The following ALDH6A1 variants were observed in gnomAD, a reference collection of about 807,000 sequenced individuals.
ALDH6A1 encodes the protein aldehyde dehydrogenase 6 family member A1.
A neutral mutation model predicts 62.6 loss-of-function variants in ALDH6A1; 43 were observed. That is an observed-to-expected ratio of 0.69 (90% CI 0.54 to 0.89). The LOEUF (loss-of-function observed/expected upper bound fraction) is 0.89. ALDH6A1 is among the 40% of genes least tolerant of loss of function. The pLI, the probability that ALDH6A1 is intolerant of heterozygous loss-of-function variation, is 0.00. For synonymous variants in ALDH6A1, 194 were observed against 234.2 expected (o/e 0.83, Z 1.57); for missense variants, 551 against 661.3 (o/e 0.83, Z 1.83).
At chr14:74,066,627 T>G (rs1595117795) in intron 9 of ALDH6A1, 78 bp downstream of exon 9, 2 of 1,373,306 alleles carry the variant, frequency 1.5e-6, no homozygotes, top group East Asian at 2.3e-5. Context: ...GTATTTTCAT[T>G]AATAAATTAG....
In ALDH6A1 at chr14:74,058,047, GC is replaced by G; in HGVS notation, c.*2594del. The stretch of plus-strand genomic sequence containing the variant: ...GATTGGATTAAATATCACTACCAGG[GC>G]CAGGTGCGGTGGTTCACGCCTGTAA... On this transcript the variant is annotated 3_prime_UTR_variant, in exon 12 of 12. Coordinates refer to ENST00000553458, the MANE Select transcript of ALDH6A1 (RefSeq NM_005589.4). 1 of 429,812 alleles carries G rather than the reference GC, an allele frequency of 2.3e-6. No homozygotes were observed. The highest frequency in any genetic ancestry group is 3.1e-6 in the Non-Finnish European group (1 of 321,870). 26.6% of individuals were successfully genotyped at this position (429,812 alleles called of 1,614,324 possible).
Position 74,071,873 on chromosome 14 carries a change from C to T in ALDH6A1, c.427+23G>A, listed in dbSNP as rs1179593305. The T allele has an allele frequency of 5.0e-6, 8 of 1,612,182 alleles. No individual in the cohort carries two copies. In the Admixed American group the frequency reaches 1.3e-4, roughly 27 times the overall value. On this transcript the variant is annotated intron_variant, in intron 5 of 11. Coordinates refer to ENST00000553458, the MANE Select transcript of ALDH6A1 (RefSeq NM_005589.4). ...TCTTCCTTTGGTCCTTCCCAAAAGTCCCATAAGGGGCTCCCAGCTTACGAA... is the reference window on the plus strand; with the variant it reads ...TCTTCCTTTGGTCCTTCCCAAAAGTTCCATAAGGGGCTCCCAGCTTACGAA...
intron 1 of ALDH6A1, chr14:74,078,094 T>C (rs2060632880): frequency 4.7e-6 from 2 of 425,582 alleles, no homozygotes; most frequent in African/African-American, 2.1e-5. Flanking sequence ...ACACTTATTG[T>C]TTATTTTCAC....
intron 2 of ALDH6A1, among the ~76,000 whole-genome samples, chr14:74,073,555 G>T (rs2060577403): frequency 6.6e-6 from 1 of 152,120 alleles, no homozygotes; most frequent in South Asian, 2.1e-4. Context: ...TGTTAATAAA[G>T]ATTAGCTATT....
In ALDH6A1 at chr14:74,071,816, G is replaced by A. The variant is rs1295457591; in HGVS notation, c.427+80C>T. On this transcript the variant is annotated intron_variant, in intron 5 of 11. Transcript: ENST00000553458. The stretch of plus-strand genomic sequence containing the variant: ...TGGCAAAATCTATGTAAAGGAAGAA[G>A]CAACCTCCCATTCTGCGATCTTTGC... The A allele has an allele frequency of 7.8e-6, 12 of 1,533,392 alleles. No homozygotes were observed. In the Admixed American group the frequency reaches 1.8e-4, roughly 23 times the overall value. 95.0% of individuals were successfully genotyped at this position (1,533,392 alleles called of 1,614,324 possible). A position where few individuals can be genotyped will look rare whatever the true frequency, so the allele number is the denominator to read the frequency against.
At chr14:74,071,598 G>A (rs1179801756) in intron 5 of ALDH6A1, 101 bp from the exon 6 acceptor site, 2 of 1,600,914 alleles carry the variant, frequency 1.2e-6, no homozygotes, top group Non-Finnish European at 1.7e-6. Context: ...TCAGGCCAAT[G>A]AAGGGGTGCA....
chr14:74,066,386 TG>T (rs1161029497), intron 9 of ALDH6A1, among the ~76,000 whole-genome samples: 3 of 152,214 alleles, frequency 2.0e-5, no homozygotes, highest in Non-Finnish European at 2.9e-5. Flanking sequence ...ACATTTTTTT[TG>T]GAACACAGCC....
chr14:74,079,620 G>C lies in ALDH6A1; in HGVS notation c.49-4603C>G, dbSNP rs1296201910. Among the ~76,000 whole-genome samples the C allele has an allele frequency of 3.3e-5, 5 of 151,856 alleles. No homozygotes were observed. In the East Asian group the frequency reaches 9.7e-4, roughly 30 times the overall value. On this transcript the variant is annotated intron_variant, in intron 1 of 11. Coordinates refer to ENST00000553458, the MANE Select transcript of ALDH6A1 (RefSeq NM_005589.4). The stretch of plus-strand genomic sequence containing the variant: ...GCTAGTTTTTTGTATTTTTAGTAGA[G>C]ATGGGGTTTCACCATGTTAGCCAGG...
chr14:74,069,652 C>CTGAGGCAGGAGAATTGCT (rs1405053255), intron 6 of ALDH6A1, among the ~76,000 whole-genome samples: 3 of 151,752 alleles, frequency 2.0e-5, no homozygotes, highest in Non-Finnish European at 4.4e-5. Context: ...ACTTGGGAGT[C>CTGAGGCAGGAGAATTGCT]TGAGGCAGGA....
intron 2 of ALDH6A1, among the ~76,000 whole-genome samples, chr14:74,073,382 G>C (rs1386286820): frequency 6.6e-6 from 1 of 152,072 alleles, no homozygotes; most frequent in Non-Finnish European, 1.5e-5. Flanking sequence ...TGGGATTACA[G>C]GCGTGAGTCA....
At chr14:74,071,133 T>C in intron 6 of ALDH6A1, 62 bp downstream of exon 6, 1 of 1,464,546 alleles carries the variant, frequency 6.8e-7, no homozygotes, top group Non-Finnish European at 9.6e-7. Flanking sequence ...CATCCAACCA[T>C]CACTCAACAC....
intron 9 of ALDH6A1, among the ~76,000 whole-genome samples, chr14:74,066,311 ATGG>A (rs1430089917): frequency 2.0e-5 from 3 of 152,210 alleles, no homozygotes; most frequent in African/African-American, 7.2e-5. Context: ...GCATTTTTAA[ATGG>A]TTGAAAAAAA....
In ALDH6A1 at chr14:74,064,694, T is replaced by G. The variant is rs747524760; in HGVS notation, c.1503+128A>C. On this transcript the variant is annotated intron_variant, in intron 11 of 11. Coordinates refer to ENST00000553458, the MANE Select transcript of ALDH6A1 (RefSeq NM_005589.4). ...ACTTTTAAATCTTTTTTAGGGAACC[T>G]TCTGAGAAGCACTGATTATGACCTC... 5 of 1,614,130 alleles carry G rather than the reference T, an allele frequency of 3.1e-6. No homozygotes were observed. The South Asian group carries it at 5.5e-5, about 18-fold the overall frequency.
Position 74,057,228 on chromosome 14 carries a change from T to A in ALDH6A1, c.*3414A>T. 6.2e-7 allele frequency: 1 copy of A among 1,614,138 alleles called. No individual in the cohort carries two copies. The highest frequency in any genetic ancestry group is 8.5e-7 in the Non-Finnish European group (1 of 1,179,992). On this transcript the variant is annotated 3_prime_UTR_variant, in exon 12 of 12. Transcript: ENST00000553458. Reference sequence around the variant, plus strand: ...CTTCTGGTGAAGTGGTGCTACCCACTATTCCAAAAGAACCTCAGGAGTCTG... The same window carrying A: ...CTTCTGGTGAAGTGGTGCTACCCACAATTCCAAAAGAACCTCAGGAGTCTG...
chr14:74,073,967 G>A (rs1011053876), intron 2 of ALDH6A1, among the ~76,000 whole-genome samples: 9 of 144,480 alleles, frequency 6.2e-5, no homozygotes, highest in Non-Finnish European at 1.2e-4. Context: ...ATTTTTTTCT[G>A]AGATATAGCT....
At position 74,072,252 on chromosome 14, in the gene ALDH6A1, C is replaced by T. The variant is rs200393785; in HGVS notation, c.299G>A (p.Ser100Asn). ...ATAGCGGAGCAAGACCTGCTGGCGG[C>T]TTAATACTGAAGTGTCTGCCCATGC... The part of the protein sequence containing the change: ...FPAWADTSVL[S>N]RQQVLLRYQQ... The change falls in exon 4 of 12, where the codon AGC becomes AAC. Residue 100 changes from serine to asparagine, a missense_variant. Transcript: ENST00000553458. The T allele has an allele frequency of 4.3e-6, 7 of 1,614,216 alleles. No individual in the cohort carries two copies. In the East Asian group the frequency reaches 1.6e-4, roughly 36 times the overall value.
At chr14:74,071,804 G>T in intron 5 of ALDH6A1, 92 bp downstream of exon 5, 1 of 1,510,178 alleles carries the variant, frequency 6.6e-7, no homozygotes, top group Non-Finnish European at 9.2e-7. Context: ...CAAAATCTAT[G>T]TAAAGGAAGA....
intron 7 of ALDH6A1, among the ~76,000 whole-genome samples, chr14:74,068,483 G>A (rs2060503558): frequency 6.6e-6 from 1 of 152,188 alleles, no homozygotes; most frequent in Non-Finnish European, 1.5e-5. Context: ...GCTTACGCCT[G>A]TAATCCCAGC....
At position 74,073,890 on chromosome 14, in the gene ALDH6A1, C is replaced by T. The variant is rs1237690579; in HGVS notation, c.111+1065G>A. On this transcript the variant is annotated intron_variant, in intron 2 of 11. Coordinates refer to ENST00000553458, the MANE Select transcript of ALDH6A1 (RefSeq NM_005589.4). ...CTGAGATCACGCCACTGCATTCCAGCCTGGGTGACAGAGTAAGACTCCATC... is the reference window on the plus strand; with the variant it reads ...CTGAGATCACGCCACTGCATTCCAGTCTGGGTGACAGAGTAAGACTCCATC... Among the ~76,000 whole-genome samples the T allele has an allele frequency of 4.1e-5, 6 of 147,840 alleles. No individual in the cohort carries two copies. In the East Asian group the frequency reaches 1.2e-3, roughly 30 times the overall value.
Sources: gnomAD v4.1 joint callset for allele counts (sites outside exome capture counted in the v4.1 genomes callset) on GRCh38, gnomAD v4.1.1 for gene constraint, MANE v1.5 for transcripts, NCBI Gene and HGNC (gene_info 2026-07-23, HGNC 2026-07-21) for gene names.